RCL1: variants seen among roughly 807,000 people sequenced by gnomAD.
RCL1 encodes the protein RNA terminal phosphate cyclase like 1.
RCL1 carries 24 observed loss-of-function variants against 42.4 expected under a neutral mutation model. The observed-to-expected ratio is 0.57, with a 90% CI of 0.41 to 0.80. The LOEUF (loss-of-function observed/expected upper bound fraction) is 0.80, where lower values mean the gene tolerates loss of function less well. Ranked by LOEUF, RCL1 falls within the 30% of genes least tolerant of loss-of-function variation. The pLI, the probability that RCL1 is intolerant of heterozygous loss-of-function variation, is 0.00. For synonymous variants in RCL1, 228 were observed against 177.3 expected (o/e 1.29, Z -2.27); for missense variants, 578 against 467.9 (o/e 1.24, Z -2.17).
At chr9:4,855,872 A>C (rs1324384609) in intron 8 of RCL1, among the ~76,000 whole-genome samples, 1 of 152,208 alleles carries the variant, frequency 6.6e-6, no homozygotes, top group Non-Finnish European at 1.5e-5. Flanking sequence ...GCAAATACAC[A>C]GGCCTGCACA....
At chr9:4,825,999 G>A (rs1816747844) in intron 2 of RCL1, among the ~76,000 whole-genome samples, 1 of 151,874 alleles carries the variant, frequency 6.6e-6, no homozygotes, top group South Asian at 2.1e-4. Context: ...GGAGGCTGAG[G>A]TGGGAGGATC....
chr9:4,840,148 G>T (rs749099074), intron 5 of RCL1, among the ~76,000 whole-genome samples: 2 of 152,140 alleles, frequency 1.3e-5, no homozygotes, highest in Middle Eastern at 6.8e-3. Context: ...AAGGGAGCTA[G>T]ATACCAGATC....
chr9:4,817,239 TTTTCA>T (rs1816414622), intron 1 of RCL1, among the ~76,000 whole-genome samples: 1 of 152,198 alleles, frequency 6.6e-6, no homozygotes, highest in Non-Finnish European at 1.5e-5. Flanking sequence ...TTTTGTGTCC[TTTTCA>T]TTTATTTGTT....
intron 5 of RCL1, among the ~76,000 whole-genome samples, chr9:4,837,447 T>C (rs1479048429): frequency 2.0e-5 from 3 of 152,098 alleles, no homozygotes. Context: ...TGGGGGGTAG[T>C]TGTTTTTTTT....
In RCL1 at chr9:4,842,121, GT is replaced by G. The variant is rs527804907; in HGVS notation, c.710+767del. Among the ~76,000 whole-genome samples the G allele has an allele frequency of 8.9e-4, 135 of 152,304 alleles. 1 individual carries two copies. Among genetic ancestry groups the G allele is most frequent in the African/African-American group, 3.0e-3 (126 of 41,572 alleles). ...TTTGCTTCACTTGTTTGTGGGTTTTGTTTGTTTTTGTTTTTTACTGAATCAT... is the reference window on the plus strand; with the variant it reads ...TTTGCTTCACTTGTTTGTGGGTTTTGTTGTTTTTGTTTTTTACTGAATCAT... On this transcript the variant is annotated intron_variant, in intron 6 of 8. Transcript: ENST00000381750.
intron 5 of RCL1, among the ~76,000 whole-genome samples, chr9:4,840,449 C>CT (rs1382504055): frequency 7.2e-5 from 11 of 152,176 alleles, no homozygotes; most frequent in Non-Finnish European, 1.5e-4. Flanking sequence ...ATGCCAGCTT[C>CT]TGTTATAAAG....
intron 1 of RCL1, among the ~76,000 whole-genome samples, chr9:4,809,301 A>G (rs1419063733): frequency 6.7e-6 from 1 of 149,958 alleles, no homozygotes; most frequent in African/African-American, 2.5e-5. Flanking sequence ...TTGGCTAGAG[A>G]CTCCTTTTTT....
intron 1 of RCL1, among the ~76,000 whole-genome samples, chr9:4,802,428 T>C (rs1843019341): frequency 6.6e-6 from 1 of 152,202 alleles, no homozygotes; most frequent in South Asian, 2.1e-4. Context: ...CACCCATATG[T>C]CCATTTGGGG....
chr9:4,808,635 T>A (rs1477425841), intron 1 of RCL1, among the ~76,000 whole-genome samples: 2 of 152,134 alleles, frequency 1.3e-5, no homozygotes, highest in Non-Finnish European at 2.9e-5. Flanking sequence ...AATGCTCTAG[T>A]AAAATAGGGA....
intron 5 of RCL1, chr9:4,839,945 A>T (rs1057340435): frequency 8.1e-6 from 8 of 981,732 alleles, no homozygotes; most frequent in South Asian, 4.7e-5. Flanking sequence ...GAATGGGGCA[A>T]AGCAGCTCAG....
intron 8 of RCL1, among the ~76,000 whole-genome samples, chr9:4,855,081 A>G (rs1190938255): frequency 6.8e-6 from 1 of 146,082 alleles, no homozygotes; most frequent in Non-Finnish European, 1.5e-5. Flanking sequence ...AAATAGGAAA[A>G]GTTATCTCTG....
At chr9:4,798,747 C>G (rs182799309) in intron 1 of RCL1, among the ~76,000 whole-genome samples, 1 of 152,076 alleles carries the variant, frequency 6.6e-6, no homozygotes, top group African/African-American at 2.4e-5. Flanking sequence ...GGTTTTGGGG[C>G]GTAACAGATA....
intron 8 of RCL1, among the ~76,000 whole-genome samples, chr9:4,850,878 C>G (rs1277291050): frequency 6.6e-6 from 1 of 152,066 alleles, no homozygotes; most frequent in Non-Finnish European, 1.5e-5. Flanking sequence ...CTGCCGTTTC[C>G]CAGCCCTTGC....
rs762747996 is a variant in RCL1 at position 4,849,472 on chromosome 9, A to G, written c.893A>G (p.Gln298Arg). The change falls in exon 8 of 9, where the codon CAA becomes CGA. Residue 298 changes from glutamine to arginine, a missense_variant. Coordinates refer to ENST00000381750, the MANE Select transcript of RCL1 (RefSeq NM_005772.5). ...GGTGGATGCGTAGACTCGACCAACC[A>G]AAGCCTGGCGCTACTACTCATGACC... ...YRGGCVDSTN[Q>R]SLALLLMTLG... The G allele has an allele frequency of 6.2e-7, 1 of 1,614,134 alleles. No homozygotes were observed. The highest frequency in any genetic ancestry group is 8.5e-7 in the Non-Finnish European group (1 of 1,179,992).
At chr9:4,834,509 T>C (rs1410750562) in intron 5 of RCL1, among the ~76,000 whole-genome samples, 2 of 150,422 alleles carry the variant, frequency 1.3e-5, no homozygotes, top group East Asian at 3.9e-4. Flanking sequence ...GGTTAACATT[T>C]AGGCAAATGG....
intron 5 of RCL1, among the ~76,000 whole-genome samples, chr9:4,834,971 C>T (rs1563847487): frequency 6.6e-6 from 1 of 152,184 alleles, no homozygotes; most frequent in Non-Finnish European, 1.5e-5. Flanking sequence ...TTAATTTTTA[C>T]TTTTGCCTAT....
At chr9:4,798,389 C>G (rs1174233516) in intron 1 of RCL1, among the ~76,000 whole-genome samples, 1 of 152,238 alleles carries the variant, frequency 6.6e-6, no homozygotes, top group East Asian at 1.9e-4. Context: ...GAAGACAGGA[C>G]TGCTACTACC....
At chr9:4,832,038 C>T (rs149774465) in intron 3 of RCL1, among the ~76,000 whole-genome samples, 15 of 152,246 alleles carry the variant, frequency 9.9e-5, no homozygotes, top group African/African-American at 3.6e-4. Flanking sequence ...AAGAAGGGAA[C>T]AAGTAATGGA....
At chr9:4,853,073 G>A (rs534994928) in intron 8 of RCL1, among the ~76,000 whole-genome samples, 5 of 152,282 alleles carry the variant, frequency 3.3e-5, no homozygotes, top group Admixed American at 3.3e-4. Context: ...TAAGGTAGAT[G>A]TTTATTTAAA....
Sources: allele counts gnomAD v4.1 joint callset (sites outside exome capture counted in the v4.1 genomes callset), GRCh38; gene constraint gnomAD v4.1.1; transcripts MANE v1.5; gene names NCBI Gene and HGNC (gene_info 2026-07-23, HGNC 2026-07-21).